Variants in HTR2C observed in about 807,000 individuals in gnomAD.
HTR2C encodes 5-hydroxytryptamine (serotonin) receptor 2C, G protein-coupled.
In HTR2C, 5 loss-of-function variants were observed where a neutral mutation model predicts 21.0. The observed-to-expected ratio is 0.24, with a 90% CI of 0.12 to 0.50. HTR2C has a LOEUF of 0.50. Ranked by LOEUF, HTR2C falls within the 20% of genes least tolerant of loss-of-function variation. The pLI, the probability that HTR2C is intolerant of heterozygous loss-of-function variation, is 0.98. For synonymous variants in HTR2C, 150 were observed against 145.3 expected (o/e 1.03, Z -0.23); for missense variants, 271 against 371.2 (o/e 0.73, Z 2.22).
At chrX:114,730,124 T>C (rs1483666424) in intron 3 of HTR2C, among the ~76,000 whole-genome samples, 1 of 112,042 alleles carries the variant, frequency 8.9e-6, no homozygotes, top group Non-Finnish European at 1.9e-5. Flanking sequence ...GTCTATTTTA[T>C]GAAGGAAAAA....
intron 4 of HTR2C, among the ~76,000 whole-genome samples, chrX:114,793,974 G>C (rs2070262262): frequency 9.2e-6 from 1 of 109,270 alleles, no homozygotes; most frequent in South Asian, 3.8e-4. Flanking sequence ...GCGAGTATCA[G>C]AGAGAGAGAG....
intron 2 of HTR2C, among the ~76,000 whole-genome samples, chrX:114,706,512 AAC>A (rs1277667864): frequency 2.1e-5 from 2 of 95,824 alleles, no homozygotes; most frequent in Non-Finnish European, 4.1e-5. Flanking sequence ...GAACAATGAG[AAC>A]ACACATGGAC....
intron 4 of HTR2C, among the ~76,000 whole-genome samples, chrX:114,773,903 A>T (rs2070030046): frequency 8.9e-6 from 1 of 111,744 alleles, no homozygotes; most frequent in South Asian, 3.8e-4. Flanking sequence ...CTGTGTCCAA[A>T]CTCCATCATC....
intron 2 of HTR2C, among the ~76,000 whole-genome samples, chrX:114,623,903 G>GT (rs1213166061): frequency 8.7e-4 from 37 of 42,514 alleles, no homozygotes; most frequent in Admixed American, 1.7e-3. Flanking sequence ...TTTTTTTGTT[G>GT]TTGTTTTTTT....
chrX:114,700,279 TA>T (rs1383394896), intron 2 of HTR2C, among the ~76,000 whole-genome samples: 1 of 111,750 alleles, frequency 8.9e-6, no homozygotes, highest in Non-Finnish European at 1.9e-5. Flanking sequence ...TGACCTCCAT[TA>T]AAAAATCATT....
intron 4 of HTR2C, among the ~76,000 whole-genome samples, chrX:114,824,708 G>A (rs782336892): frequency 5.5e-4 from 62 of 112,240 alleles, no homozygotes; most frequent in African/African-American, 1.8e-3. Context: ...CAACCATCCT[G>A]GCTTTGGCAT....
intron 2 of HTR2C, among the ~76,000 whole-genome samples, chrX:114,708,513 G>A (rs1329925221): frequency 1.8e-5 from 2 of 111,792 alleles, no homozygotes; most frequent in East Asian, 2.8e-4. Flanking sequence ...AAAAGTTTTA[G>A]CATTGGCCTG....
intron 5 of HTR2C, among the ~76,000 whole-genome samples, chrX:114,873,902 A>G (rs1187917770): frequency 1.8e-5 from 2 of 111,416 alleles, no homozygotes; most frequent in African/African-American, 6.5e-5. Flanking sequence ...TTTATCTTAT[A>G]ACAAAAATTT....
intron 4 of HTR2C, among the ~76,000 whole-genome samples, chrX:114,802,058 G>T (rs2070351651): frequency 9.0e-6 from 1 of 110,680 alleles, no homozygotes; most frequent in South Asian, 3.8e-4. Flanking sequence ...GGGCAACAAA[G>T]AATTCTCCCC....
Position 114,820,351 on chromosome X carries a change from T to C in HTR2C, c.350-27652T>C, listed in dbSNP as rs190573624. ...TTTTTTTTAGTTTACATTACTTTAA[T>C]ATTGGACCCCTGAAACACACTGTCC... On this transcript the variant is annotated intron_variant, in intron 4 of 5. Coordinates refer to ENST00000276198, the MANE Select transcript of HTR2C (RefSeq NM_000868.4). Among the ~76,000 whole-genome samples the C allele has an allele frequency of 2.0e-3, 219 of 109,788 alleles. 2 individuals carry two copies. Among genetic ancestry groups the C allele is most frequent in the African/African-American group, 6.9e-3 (208 of 30,290 alleles).
chrX:114,749,462 AAAAAAAAAAAAAAAG>A (rs1382186784), intron 4 of HTR2C, among the ~76,000 whole-genome samples: 3 of 105,601 alleles, frequency 2.8e-5, no homozygotes, highest in Non-Finnish European at 5.8e-5. Context: ...TCAAAAAAAA[AAAAAAAAAAAAAAAG>A]AAAAAAAAAA....
intron 4 of HTR2C, among the ~76,000 whole-genome samples, chrX:114,748,942 A>G (rs782460973): frequency 1.4e-4 from 16 of 111,816 alleles, no homozygotes; most frequent in Non-Finnish European, 2.6e-4. Context: ...CAATGAAGAA[A>G]AGCCACAGAT....
intron 5 of HTR2C, among the ~76,000 whole-genome samples, chrX:114,854,594 TA>T (rs1233222627): frequency 4.5e-5 from 5 of 111,021 alleles, no homozygotes; most frequent in Non-Finnish European, 9.5e-5. Context: ...ATGAAATCCT[TA>T]AATGTAATAT....
Position 114,613,840 on chromosome X carries a change from T to A in HTR2C, c.-121T>A, listed in dbSNP as rs781829937. 1 of 111,561 alleles carries A rather than the reference T, an allele frequency of 9.0e-6. No individual in the cohort carries two copies. Among genetic ancestry groups the A allele is most frequent in the South Asian group, 3.8e-4 (1 of 2,605 alleles). The allele number at this position is 111,561 out of a possible 1,213,427, so 9.2% of individuals were successfully genotyped here. ...GGTTATCAGCTAACACCCGCGAGCA[T>A]CTATAACATAGGCCAACTGACGCCA... On this transcript the variant is annotated 5_prime_UTR_variant, in exon 2 of 6. Coordinates refer to ENST00000276198, the MANE Select transcript of HTR2C (RefSeq NM_000868.4).
At chrX:114,701,190 C>G (rs1251949182) in intron 2 of HTR2C, among the ~76,000 whole-genome samples, 1 of 112,061 alleles carries the variant, frequency 8.9e-6, no homozygotes, top group African/African-American at 3.2e-5. Context: ...CACTGTCTGA[C>G]AGTTTTGGAG....
intron 4 of HTR2C, among the ~76,000 whole-genome samples, chrX:114,816,890 C>G (rs1602835697): frequency 9.2e-6 from 1 of 108,874 alleles, no homozygotes; most frequent in South Asian, 3.9e-4. Flanking sequence ...CAAAGAAAAA[C>G]AAGAATAATA....
chrX:114,706,757 A>G (rs1162117885), intron 2 of HTR2C, among the ~76,000 whole-genome samples: 1 of 110,899 alleles, frequency 9.0e-6, no homozygotes, highest in South Asian at 3.8e-4. Context: ...AGTATGGTCT[A>G]TAAAAATAGA....
chrX:114,586,319 G>A (rs1927391481), intron 1 of HTR2C, among the ~76,000 whole-genome samples: 1 of 111,597 alleles, frequency 9.0e-6, no homozygotes, highest in South Asian at 3.8e-4. Context: ...ACAGGTGGGG[G>A]GAAATAAATA....
Position 114,746,984 on chromosome X carries a change from C to CA in HTR2C, c.349+15386dup, listed in dbSNP as rs782085532. Among the ~76,000 whole-genome samples, 143 of 106,082 alleles carry CA rather than the reference C, an allele frequency of 1.3e-3. 3 individuals are homozygous for CA. The East Asian group carries it at 0.023, about 17-fold the overall frequency. The allele number at this position is 106,082 out of a possible 115,157, so 92.1% of individuals were successfully genotyped here. A position where few individuals can be genotyped will look rare whatever the true frequency, so the allele number is the denominator to read the frequency against. ...TGGGCGACAGAGCGAGACTCCGTCT[C>CA]AAAAAAAAAGAAAGAGAGAGAGAGA... On this transcript the variant is annotated intron_variant, in intron 4 of 5. Transcript: ENST00000276198.
Sources: allele counts gnomAD v4.1 joint callset (sites outside exome capture counted in the v4.1 genomes callset), GRCh38; gene constraint gnomAD v4.1.1; transcripts MANE v1.5; gene names NCBI Gene and HGNC (gene_info 2026-07-23, HGNC 2026-07-21).